Variants in HNF1B observed in about 807,000 individuals in gnomAD.
The protein encoded by HNF1B is HNF1 homeobox B, also known as hepatocyte nuclear factor 1-beta.
Under a neutral mutation model 61.7 loss-of-function variants are expected in HNF1B, and 8 were observed. That is an observed-to-expected ratio of 0.13 (90% CI 0.08 to 0.23). The LOEUF (loss-of-function observed/expected upper bound fraction) is 0.23. HNF1B is among the 10% of genes least tolerant of loss of function. The probability of loss-of-function intolerance (pLI) is 1.00; values close to 1 mark genes in which losing one functional copy is unlikely to be tolerated. For missense variants in HNF1B, 562 were observed against 714.5 expected, an observed-to-expected ratio of 0.79 and a Z score of 2.43; for synonymous variants, 314 against 287.7, an observed-to-expected ratio of 1.09 and a Z score of -0.93.
chr17:37,696,960 T>C (rs976735653), intron 8 of HNF1B, among the ~76,000 whole-genome samples: 4 of 152,128 alleles, frequency 2.6e-5, no homozygotes, highest in Non-Finnish European at 5.9e-5. Flanking sequence ...GTTTCCTGAG[T>C]GGAATATGGC....
At chr17:37,744,184 G>T (rs1434055397) in intron 1 of HNF1B, among the ~76,000 whole-genome samples, 1 of 152,214 alleles carries the variant, frequency 6.6e-6, no homozygotes, top group East Asian at 1.9e-4. Flanking sequence ...CTCTGCTCCC[G>T]GGAAGTCGCA....
chr17:37,735,733 A>C (rs2033813976), intron 2 of HNF1B, among the ~76,000 whole-genome samples: 1 of 152,066 alleles, frequency 6.6e-6, no homozygotes, highest in Non-Finnish European at 1.5e-5. Context: ...GATGATAGTG[A>C]TGTTGGCCCA....
chr17:37,731,961 G>C, intron 3 of HNF1B, 131 bp from the exon 4 acceptor site: 1 of 652,268 alleles, frequency 1.5e-6, no homozygotes, highest in East Asian at 2.7e-5. Flanking sequence ...TGGAAGGCTG[G>C]GGAGGAGAGG....
chr17:37,717,976 C>G (rs755115932), intron 4 of HNF1B, among the ~76,000 whole-genome samples: 1 of 152,062 alleles, frequency 6.6e-6, no homozygotes, highest in Non-Finnish European at 1.5e-5. Flanking sequence ...ATTCCGGATC[C>G]CTTTCTACCT....
chr17:37,727,335 C>T (rs1232882538), intron 4 of HNF1B, among the ~76,000 whole-genome samples: 13 of 152,050 alleles, frequency 8.5e-5, no homozygotes, highest in Admixed American at 6.6e-5. Flanking sequence ...GGGGTGGGGG[C>T]GGATAAAGGC....
chr17:37,687,404 G>C lies in HNF1B; in HGVS notation c.1654-12C>G. On this transcript the variant is annotated splice_polypyrimidine_tract_variant and intron_variant, in intron 8 of 8. Transcript: ENST00000617811. ...GCTTGTAGAGGACACTGCAGAGAGA[G>C]AGGAGAGAGGGTGCTCAGCTGTGTC... The C allele has an allele frequency of 1.9e-6, 3 of 1,600,674 alleles. No individual in the cohort carries two copies. The highest frequency in any genetic ancestry group is 1.7e-4 in the Middle Eastern group (1 of 6,036).
intron 5 of HNF1B, among the ~76,000 whole-genome samples, chr17:37,709,424 ATTT>A (rs71135761): frequency 6.8e-6 from 1 of 146,934 alleles, no homozygotes; most frequent in Non-Finnish European, 1.5e-5. Flanking sequence ...TAATTTTTGT[ATTT>A]TTTTTTTAAT....
chr17:37,742,882 G>C (rs142384755), intron 1 of HNF1B, among the ~76,000 whole-genome samples: 2 of 151,324 alleles, frequency 1.3e-5, no homozygotes, highest in South Asian at 2.1e-4. Context: ...CGCTGGGAGC[G>C]GCGAGCAGCC....
intron 2 of HNF1B, among the ~76,000 whole-genome samples, chr17:37,734,789 C>T (rs1024114529): frequency 1.4e-5 from 2 of 140,690 alleles, no homozygotes; most frequent in Non-Finnish European, 3.1e-5. Context: ...ATCTTAATAT[C>T]TTTTTTTTTT....
Position 37,687,064 on chromosome 17 carries a change from C to T in HNF1B, c.*308G>A. ...CAGTTTGTTCGATGAAGGATCACAA[C>T]ATAGACAGTACGGCTTTCTTGCTTC... On this transcript the variant is annotated 3_prime_UTR_variant, in exon 9 of 9. Coordinates refer to ENST00000617811, the MANE Select transcript of HNF1B (RefSeq NM_000458.4). 2 of 593,024 alleles carry T rather than the reference C, an allele frequency of 3.4e-6. No homozygotes were observed. Among genetic ancestry groups the T allele is most frequent in the Non-Finnish European group, 6.0e-6 (2 of 332,998 alleles). The allele number at this position is 593,024 out of a possible 1,614,324, so 36.7% of individuals were successfully genotyped here.
intron 2 of HNF1B, among the ~76,000 whole-genome samples, chr17:37,734,450 G>C (rs1347761116): frequency 6.6e-6 from 1 of 152,218 alleles, no homozygotes; most frequent in African/African-American, 2.4e-5. Flanking sequence ...TCTGGGAGTA[G>C]TGTTTAATTA....
intron 4 of HNF1B, among the ~76,000 whole-genome samples, chr17:37,722,550 G>A (rs972028377): frequency 2.3e-4 from 35 of 152,192 alleles, no homozygotes; most frequent in Non-Finnish European, 4.1e-4. Flanking sequence ...CCTTGGCTCA[G>A]GTAGGCTTCC....
intron 4 of HNF1B, among the ~76,000 whole-genome samples, chr17:37,723,907 C>G (rs2033407533): frequency 6.6e-6 from 1 of 152,140 alleles, no homozygotes; most frequent in Non-Finnish European, 1.5e-5. Context: ...GAGGCAAGCA[C>G]AGAGATTCCA....
At chr17:37,718,234 A>G (rs939268577) in intron 4 of HNF1B, among the ~76,000 whole-genome samples, 47 of 152,210 alleles carry the variant, frequency 3.1e-4, no homozygotes, top group Non-Finnish European at 6.0e-4. Context: ...AAAATTGCAC[A>G]TGTGGGGAGG....
At chr17:37,696,239 G>C (rs1287921658) in intron 8 of HNF1B, among the ~76,000 whole-genome samples, 1 of 152,084 alleles carries the variant, frequency 6.6e-6, no homozygotes, top group Non-Finnish European at 1.5e-5. Context: ...GAGCGCAGGA[G>C]TTTGAGACCA....
chr17:37,707,631 A>T (rs1191352214), intron 5 of HNF1B, among the ~76,000 whole-genome samples: 1 of 152,082 alleles, frequency 6.6e-6, no homozygotes, highest in African/African-American at 2.4e-5. Context: ...AAATTTAGAG[A>T]AGTTAAGAAG....
chr17:37,739,315 C>T lies in HNF1B; in HGVS notation c.544+125G>A, dbSNP rs1430914502. The T allele has an allele frequency of 4.5e-6, 4 of 889,912 alleles. No homozygotes were observed. In the African/African-American group the frequency reaches 4.9e-5, roughly 11 times the overall value. The allele number at this position is 889,912 out of a possible 1,614,324, so 55.1% of individuals were successfully genotyped here. ...AACCACCAAGGCCAAATCTACTTGC[C>T]ACCTTCCTCATATCTGCCAAGTGCT... is the stretch of plus-strand genomic sequence containing the variant. On this transcript the variant is annotated intron_variant, in intron 2 of 8. Transcript: ENST00000617811.
chr17:37,693,331 G>T (rs951114347), intron 8 of HNF1B, among the ~76,000 whole-genome samples: 13 of 151,980 alleles, frequency 8.6e-5, no homozygotes, highest in African/African-American at 2.9e-4. Context: ...TAGGCACATT[G>T]AATATTTTGT....
rs1181234601 is a variant in HNF1B, at chr17:37,687,224, G to A, written c.*148C>T. On this transcript the variant is annotated 3_prime_UTR_variant, in exon 9 of 9. Transcript: ENST00000617811. Reference sequence around the variant, plus strand: ...CGCCTCCTGAGAGTGGATTGTCTGAGGTGCCAGCAGGACGTCCGTCAGGTA... The same window carrying A: ...CGCCTCCTGAGAGTGGATTGTCTGAAGTGCCAGCAGGACGTCCGTCAGGTA... The A allele has an allele frequency of 2.3e-6, 3 of 1,301,856 alleles. No homozygotes were observed. The highest frequency in any genetic ancestry group is 1.5e-5 in the African/African-American group (1 of 68,044). The allele number at this position is 1,301,856 out of a possible 1,614,324, so 80.6% of individuals were successfully genotyped here. A position where few individuals can be genotyped will look rare whatever the true frequency, so the allele number is the denominator to read the frequency against.
Sources: allele counts gnomAD v4.1 joint callset (sites outside exome capture counted in the v4.1 genomes callset), GRCh38; gene constraint gnomAD v4.1.1; transcripts MANE v1.5; gene names NCBI Gene and HGNC (gene_info 2026-07-23, HGNC 2026-07-21).